Variants in ARHGAP15 observed in about 807,000 individuals in gnomAD.
The protein encoded by ARHGAP15 is rho GTPase-activating protein 15.
Under a neutral mutation model 63.7 loss-of-function variants are expected in ARHGAP15, and 51 were observed. That is an observed-to-expected ratio of 0.80 (90% CI 0.64 to 1.01). The LOEUF (loss-of-function observed/expected upper bound fraction) is 1.01, where lower values mean the gene tolerates loss of function less well. ARHGAP15 is among the 50% of genes least tolerant of loss of function. The pLI is 0.00. For missense variants in ARHGAP15, 560 were observed against 564.6 expected (o/e 0.99, Z 0.08); for synonymous variants, 191 against 193.8 (o/e 0.99, Z 0.12).
intron 3 of ARHGAP15, among the ~76,000 whole-genome samples, chr2:143,206,224 T>C (rs1692325475): frequency 6.6e-6 from 1 of 152,104 alleles, no homozygotes; most frequent in Non-Finnish European, 1.5e-5. Flanking sequence ...GGCTGGATTG[T>C]AAATGTCTTG....
At chr2:143,686,475 C>A (rs1289050188) in intron 12 of ARHGAP15, among the ~76,000 whole-genome samples, 1 of 148,548 alleles carries the variant, frequency 6.7e-6, no homozygotes, top group African/African-American at 2.5e-5. Context: ...AGGAATCCCA[C>A]TGTAATATGC....
intron 6 of ARHGAP15, among the ~76,000 whole-genome samples, chr2:143,258,938 A>G (rs1266304508): frequency 6.6e-6 from 1 of 152,152 alleles, no homozygotes; most frequent in African/African-American, 2.4e-5. Flanking sequence ...AAAATTAACA[A>G]ATTGCTGAAG....
chr2:143,644,989 A>C (rs150775231), intron 12 of ARHGAP15, among the ~76,000 whole-genome samples: 1 of 152,236 alleles, frequency 6.6e-6, no homozygotes, highest in Non-Finnish European at 1.5e-5. Flanking sequence ...TAATTGCGAC[A>C]CCACTTCGTA....
chr2:143,627,365 C>A (rs2105247279), intron 12 of ARHGAP15, among the ~76,000 whole-genome samples: 1 of 152,096 alleles, frequency 6.6e-6, no homozygotes, highest in Middle Eastern at 3.4e-3. Flanking sequence ...TTTGATATAA[C>A]CTTGAAGCTA....
chr2:143,686,340 C>A (rs1683340872), intron 12 of ARHGAP15, among the ~76,000 whole-genome samples: 1 of 124,420 alleles, frequency 8.0e-6, no homozygotes, highest in Non-Finnish European at 1.6e-5. Context: ...ACCAAGATTG[C>A]ACCACTGCAC....
At chr2:143,598,864 C>T (rs559585042) in intron 11 of ARHGAP15, among the ~76,000 whole-genome samples, 3 of 151,986 alleles carry the variant, frequency 2.0e-5, no homozygotes, top group Admixed American at 2.0e-4. Context: ...CTGCCATGAG[C>T]TATGATCGCA....
intron 8 of ARHGAP15, among the ~76,000 whole-genome samples, chr2:143,475,289 C>T (rs776559835): frequency 1.2e-3 from 176 of 152,214 alleles, no homozygotes; most frequent in Non-Finnish European, 1.9e-3. Context: ...GACAAACCAC[C>T]CCACTATCCC....
At chr2:143,640,470 C>T (rs1156476262) in intron 12 of ARHGAP15, among the ~76,000 whole-genome samples, 4 of 152,074 alleles carry the variant, frequency 2.6e-5, no homozygotes, top group Admixed American at 2.0e-4. Flanking sequence ...CTCTAGTATT[C>T]ACATTTTCTA....
intron 6 of ARHGAP15, among the ~76,000 whole-genome samples, chr2:143,373,596 C>G (rs1458845402): frequency 7.2e-6 from 1 of 138,128 alleles, no homozygotes; most frequent in East Asian, 2.1e-4. Flanking sequence ...CACCACTGCA[C>G]TCCAGCCTGG....
intron 6 of ARHGAP15, among the ~76,000 whole-genome samples, chr2:143,292,220 A>G (rs1218111438): frequency 6.6e-6 from 1 of 152,162 alleles, no homozygotes; most frequent in Non-Finnish European, 1.5e-5. Flanking sequence ...CTTCCAGCCA[A>G]TAACAGAATA....
intron 5 of ARHGAP15, among the ~76,000 whole-genome samples, chr2:143,233,303 C>G (rs1420048714): frequency 6.6e-6 from 1 of 151,844 alleles, no homozygotes; most frequent in African/African-American, 2.4e-5. Flanking sequence ...CAATCTATCT[C>G]ATAGTCTGCT....
chr2:143,361,759 A>G (rs1204617164), intron 6 of ARHGAP15, among the ~76,000 whole-genome samples: 1 of 152,170 alleles, frequency 6.6e-6, no homozygotes, highest in Non-Finnish European at 1.5e-5. Flanking sequence ...CCATAGGTTC[A>G]TAAACAATAT....
chr2:143,435,257 C>G (rs55852115), intron 6 of ARHGAP15: 3 of 997,608 alleles, frequency 3.0e-6, no homozygotes, highest in East Asian at 1.0e-4. Context: ...TTCTGACACA[C>G]CCGGGTGCAT....
chr2:143,248,001 C>T (rs572863818), intron 5 of ARHGAP15, among the ~76,000 whole-genome samples: 1 of 152,278 alleles, frequency 6.6e-6, no homozygotes, highest in East Asian at 1.9e-4. Flanking sequence ...ATGTGCCAGG[C>T]ACTGTTCCAT....
intron 6 of ARHGAP15, among the ~76,000 whole-genome samples, chr2:143,365,356 T>TA (rs1686251031): frequency 6.6e-6 from 1 of 152,230 alleles, no homozygotes; most frequent in African/African-American, 2.4e-5. Flanking sequence ...TCTGTTGCTT[T>TA]AGGTCTTAGG....
intron 1 of ARHGAP15, among the ~76,000 whole-genome samples, chr2:143,131,722 C>A (rs1688923150): frequency 6.6e-6 from 1 of 152,114 alleles, no homozygotes; most frequent in Non-Finnish European, 1.5e-5. Context: ...CCTAGCCAGG[C>A]CTCCCTTTCT....
chr2:143,377,185 TA>T (rs915235007), intron 6 of ARHGAP15, among the ~76,000 whole-genome samples: 2 of 151,854 alleles, frequency 1.3e-5, no homozygotes, highest in African/African-American at 2.4e-5. Flanking sequence ...ATAAATACTT[TA>T]AAAAAAATCC....
Position 143,181,065 on chromosome 2 carries a change from A to G in ARHGAP15, c.166-21069A>G, listed in dbSNP as rs144913453. Among the ~76,000 whole-genome samples the G allele has an allele frequency of 3.5e-3, 539 of 152,320 alleles. 5 individuals carry two copies. Among genetic ancestry groups the G allele is most frequent in the African/African-American group, 0.012 (518 of 41,566 alleles). ...GGATGTTAGCAAGCATGAGAACAAC[A>G]TTATTGTCCTTGTACATCTCCATCA... is the stretch of plus-strand genomic sequence containing the variant. On this transcript the variant is annotated intron_variant, in intron 2 of 13. Transcript: ENST00000295095.
At chr2:143,323,944 G>T (rs893977248) in intron 6 of ARHGAP15, among the ~76,000 whole-genome samples, 1 of 141,546 alleles carries the variant, frequency 7.1e-6, no homozygotes, top group Non-Finnish European at 1.5e-5. Flanking sequence ...GGCAGACAAC[G>T]GGCCATGTAT....
Sources: gnomAD v4.1 joint callset for allele counts (sites outside exome capture counted in the v4.1 genomes callset) on GRCh38, gnomAD v4.1.1 for gene constraint, MANE v1.5 for transcripts, NCBI Gene and HGNC (gene_info 2026-07-23, HGNC 2026-07-21) for gene names.